PMF1: variants seen among roughly 807,000 people sequenced by gnomAD.
PMF1 encodes polyamine-modulated factor 1.
A neutral mutation model predicts 26.7 loss-of-function variants in PMF1; 21 were observed. That is an observed-to-expected ratio of 0.79 (90% CI 0.56 to 1.13). PMF1 has a LOEUF of 1.13. Among genes scored for constraint, PMF1 ranks in the 50% most tolerant of loss-of-function variants. The pLI is 0.00. For missense variants in PMF1, 266 were observed against 254.9 expected (o/e 1.04, Z -0.30); for synonymous variants, 105 against 101.0 (o/e 1.04, Z -0.24).
chr1:156,219,812 T>C (rs1466006244), intron 1 of PMF1, among the ~76,000 whole-genome samples: 1 of 152,012 alleles, frequency 6.6e-6, no homozygotes, highest in East Asian at 1.9e-4. Context: ...TGCAGTGGCA[T>C]GATCACAGCT....
intron 1 of PMF1, among the ~76,000 whole-genome samples, chr1:156,224,283 T>C (rs1042936227): frequency 1.3e-4 from 20 of 152,246 alleles, no homozygotes; most frequent in African/African-American, 4.6e-4. Flanking sequence ...ATCATTTCTT[T>C]GTGGTGAGAA....
intron 1 of PMF1, among the ~76,000 whole-genome samples, chr1:156,227,578 T>C (rs1249655081): frequency 6.7e-6 from 1 of 149,590 alleles, no homozygotes; most frequent in Non-Finnish European, 1.5e-5. Flanking sequence ...CTCACCGCAA[T>C]CTCCGCCTCC....
At chr1:156,238,245 T>C (rs1249312606) in intron 4 of PMF1, among the ~76,000 whole-genome samples, 2 of 152,240 alleles carry the variant, frequency 1.3e-5, no homozygotes, top group African/African-American at 4.8e-5. Context: ...CTCAGGATTA[T>C]TTTGACTATC....
intron 4 of PMF1, 109 bp downstream of exon 4, chr1:156,236,592 G>A (rs1476255584): frequency 7.2e-7 from 1 of 1,389,056 alleles, no homozygotes; most frequent in Non-Finnish European, 9.6e-7. Flanking sequence ...CAGGGGGTAG[G>A]AGAGCTTGCC....
intron 4 of PMF1, 28 bp downstream of exon 4, chr1:156,236,511 T>C (rs1414301819): frequency 6.3e-7 from 1 of 1,575,812 alleles, no homozygotes; most frequent in African/African-American, 1.4e-5. Flanking sequence ...CCTCTTCCTC[T>C]TCCTTCTCTA....
intron 4 of PMF1, among the ~76,000 whole-genome samples, chr1:156,239,098 A>G (rs772357009): frequency 6.6e-6 from 1 of 152,192 alleles, no homozygotes; most frequent in East Asian, 1.9e-4. Flanking sequence ...ATTCAGTGCT[A>G]TCCTAAGAGG....
intron 1 of PMF1, among the ~76,000 whole-genome samples, chr1:156,224,696 G>A (rs1287093620): frequency 3.3e-5 from 5 of 151,792 alleles, no homozygotes; most frequent in African/African-American, 9.7e-5. Flanking sequence ...CCCCAGAGGC[G>A]GAGCTTGTAG....
intron 1 of PMF1, among the ~76,000 whole-genome samples, chr1:156,228,338 CAAGGGCATTCAA>C (rs1232288995): frequency 7.6e-6 from 1 of 131,918 alleles, no homozygotes. Context: ...AGAAAATCCA[CAAGGGCATTCAA>C]AACATTCCCA....
intron 3 of PMF1, among the ~76,000 whole-genome samples, chr1:156,235,790 T>C (rs2103129432): frequency 6.6e-6 from 1 of 152,324 alleles, no homozygotes; most frequent in East Asian, 1.9e-4. Context: ...TCTTGTGTAA[T>C]CTTGCCTCCT....
chr1:156,224,498 C>T lies in PMF1; in HGVS notation c.162-7822C>T, dbSNP rs138807487. On this transcript the variant is annotated intron_variant, in intron 1 of 4. Transcript: ENST00000368277. ...TTTCATTAAGAAACATTTATCAGGCCGGGCGCAGTGGCTCACGCCTGTAAT... is the reference window on the plus strand; with the variant it reads ...TTTCATTAAGAAACATTTATCAGGCTGGGCGCAGTGGCTCACGCCTGTAAT... 4.6e-5 allele frequency among the ~76,000 whole-genome samples: 7 copies of T among 152,304 alleles called. No individual in the cohort carries two copies. The East Asian group carries it at 5.8e-4, about 13-fold the overall frequency.
At chr1:156,213,202 AGT>A in intron 1 of PMF1, 26 bp downstream of exon 1, 8 of 1,607,626 alleles carry the variant, frequency 5.0e-6, no homozygotes, top group Non-Finnish European at 6.8e-6. Flanking sequence ...CCGCGGTGGG[AGT>A]GTTTGTTGGC....
At chr1:156,236,167 G>T in intron 3 of PMF1, 121 bp from the exon 4 acceptor site, 1 of 1,382,018 alleles carries the variant, frequency 7.2e-7, no homozygotes, top group East Asian at 2.3e-5. Flanking sequence ...GGAGAGACCT[G>T]GGAAGCCAGC....
At position 156,239,680 on chromosome 1, in the gene PMF1, C is replaced by A; in HGVS notation, c.*79C>A. On this transcript the variant is annotated 3_prime_UTR_variant, in exon 5 of 5. Transcript: ENST00000368277. ...CAGCATGCCTGGCCTGGGCGGGCTA[C>A]CTCTGAGAACGGCTGAAATGGTGCC... The A allele has an allele frequency of 8.5e-7, 1 of 1,174,340 alleles. No individual in the cohort carries two copies. The highest frequency in any genetic ancestry group is 1.3e-6 in the Non-Finnish European group (1 of 787,146). The allele number at this position is 1,174,340 out of a possible 1,614,324, so 72.7% of individuals were successfully genotyped here. A position where few individuals can be genotyped will look rare whatever the true frequency, so the allele number is the denominator to read the frequency against.
chr1:156,227,269 C>T (rs1306808256), intron 1 of PMF1, among the ~76,000 whole-genome samples: 1 of 151,824 alleles, frequency 6.6e-6, no homozygotes, highest in African/African-American at 2.4e-5. Context: ...TTTGGAAGGC[C>T]GAGGTGGGTG....
At chr1:156,231,023 A>G (rs550643769) in intron 1 of PMF1, among the ~76,000 whole-genome samples, 2 of 152,042 alleles carry the variant, frequency 1.3e-5, no homozygotes, top group Non-Finnish European at 2.9e-5. Context: ...AGACCATCCT[A>G]GCTAACACGG....
At chr1:156,237,257 G>A (rs1323606254) in intron 4 of PMF1, 1 of 145,194 alleles carries the variant, frequency 6.9e-6, no homozygotes, top group Non-Finnish European at 1.5e-5. Flanking sequence ...GTACATTGTT[G>A]TTAACTATAG....
At chr1:156,220,086 C>A (rs1658000521) in intron 1 of PMF1, among the ~76,000 whole-genome samples, 1 of 152,028 alleles carries the variant, frequency 6.6e-6, no homozygotes, top group African/African-American at 2.4e-5. Flanking sequence ...GCCTCAGCCT[C>A]CCGGGTAGCT....
At position 156,224,364 on chromosome 1, in the gene PMF1, G is replaced by A. The variant is rs530238772; in HGVS notation, c.162-7956G>A. 1.1e-4 allele frequency among the ~76,000 whole-genome samples: 16 copies of A among 152,276 alleles called. No homozygotes were observed. In the East Asian group the frequency reaches 1.9e-3, roughly 18 times the overall value. ...TACGGTTAACCACAGTCACTCTACTGTACAACACCAGAATCCTAATTGTAC... is the reference window on the plus strand; with the variant it reads ...TACGGTTAACCACAGTCACTCTACTATACAACACCAGAATCCTAATTGTAC... On this transcript the variant is annotated intron_variant, in intron 1 of 4. Transcript: ENST00000368277.
At chr1:156,213,680 C>A (rs908319115) in intron 1 of PMF1, among the ~76,000 whole-genome samples, 1 of 152,056 alleles carries the variant, frequency 6.6e-6, no homozygotes, top group Non-Finnish European at 1.5e-5. Context: ...AAGACGTAAG[C>A]CCCCTCTCCC....
Sources: gnomAD v4.1 joint callset for allele counts (sites outside exome capture counted in the v4.1 genomes callset) on GRCh38, gnomAD v4.1.1 for gene constraint, MANE v1.5 for transcripts, NCBI Gene and HGNC (gene_info 2026-07-23, HGNC 2026-07-21) for gene names.